NRP2: variants seen among roughly 807,000 people sequenced by gnomAD.
NRP2 encodes neuropilin-2.
Under a neutral mutation model 110.4 loss-of-function variants are expected in NRP2, and 52 were observed. The ratio of observed to expected loss-of-function variants is 0.47; its 90% CI spans 0.38 to 0.59. NRP2 has a LOEUF of 0.59. Among genes scored for constraint, NRP2 ranks in the 20% least tolerant of loss-of-function variants. The pLI is 0.00. For synonymous variants in NRP2, 508 were observed against 468.9 expected, an observed-to-expected ratio of 1.08 and a Z score of -1.08; for missense variants, 1,049 against 1,203.0, an observed-to-expected ratio of 0.87 and a Z score of 1.89.
intron 13 of NRP2, chr2:205,764,282 G>A (rs576728603): frequency 9.6e-6 from 3 of 311,404 alleles, no homozygotes; most frequent in Non-Finnish European, 1.8e-5. Context: ...AAAGAGGCCT[G>A]TGGAGCCCCT....
intron 8 of NRP2, among the ~76,000 whole-genome samples, chr2:205,741,971 C>A (rs1006879800): frequency 2.6e-5 from 4 of 152,230 alleles, no homozygotes; most frequent in African/African-American, 9.6e-5. Context: ...AATTCAAATT[C>A]TCTGCTCTTA....
At chr2:205,751,667 G>GC (rs1286437541) in intron 11 of NRP2, among the ~76,000 whole-genome samples, 3 of 152,100 alleles carry the variant, frequency 2.0e-5, no homozygotes, top group Non-Finnish European at 4.4e-5. Flanking sequence ...GCAGTGCCCT[G>GC]CCCCCCATGA....
rs187188732 is a variant in NRP2 at position 205,722,515 on chromosome 2, C to A, written c.471C>A (p.Asn157Lys). The change falls in exon 4 of 17, where the codon AAC becomes AAA. Residue 157 changes from asparagine (N) to lysine (K), a missense_variant. Coordinates refer to ENST00000357785, the MANE Select transcript of NRP2 (RefSeq NM_003872.3). ...GCTCAAAAAACTTCACAAGCCCCAA[C>A]GGGACCATCGAATCTCCTGGGTTTC... ...EDCSKNFTSP[N>K]GTIESPGFPE... is the part of the protein sequence containing the mutation. 1 of 1,614,196 alleles carries A rather than the reference C, an allele frequency of 6.2e-7. No homozygotes were observed.
At chr2:205,787,718 CTGTGTGTGTGTGTGTG>C (rs60558986) in intron 15 of NRP2, among the ~76,000 whole-genome samples, 2 of 144,076 alleles carry the variant, frequency 1.4e-5, no homozygotes, top group African/African-American at 5.2e-5. Flanking sequence ...AAAAAAGTGT[CTGTGTGTGTGTGTGTG>C]TGTGTGTGTG....
intron 7 of NRP2, among the ~76,000 whole-genome samples, chr2:205,738,455 A>T (rs2057384419): frequency 6.6e-6 from 1 of 152,230 alleles, no homozygotes. Context: ...CAGAGAACTG[A>T]TGAATCTCTT....
At chr2:205,717,874 G>T (rs1055725943) in intron 3 of NRP2, among the ~76,000 whole-genome samples, 2 of 152,208 alleles carry the variant, frequency 1.3e-5, no homozygotes, top group African/African-American at 4.8e-5. Context: ...CAAACCCTTT[G>T]CACGTAACAG....
intron 16 of NRP2, 81 bp from the exon 17 acceptor site, chr2:205,794,673 G>T: frequency 7.0e-7 from 1 of 1,424,462 alleles, no homozygotes. Flanking sequence ...GCTCTGAAGA[G>T]CCTCTGGGCT....
intron 5 of NRP2, among the ~76,000 whole-genome samples, chr2:205,724,810 G>A (rs568450172): frequency 6.6e-6 from 1 of 152,088 alleles, no homozygotes; most frequent in African/African-American, 2.4e-5. Context: ...GGAACTACAG[G>A]CATGCGCCAC....
chr2:205,717,559 T>C (rs1030662012), intron 3 of NRP2, among the ~76,000 whole-genome samples: 59 of 152,314 alleles, frequency 3.9e-4, no homozygotes, highest in African/African-American at 1.4e-3. Context: ...AAGGGGACTG[T>C]GTCATGCAAG....
In NRP2 at chr2:205,687,227, A is replaced by C. The variant is rs2056191396; in HGVS notation, c.73+3864A>C. On this transcript the variant is annotated intron_variant, in intron 1 of 16. Transcript: ENST00000357785. ...GGCTGTGGGAGACAGGTCTGGGTTC[A>C]GACAAATCCTGAAAGAGAAGCAATG... Among the ~76,000 whole-genome samples the C allele has an allele frequency of 2.6e-5, 4 of 152,210 alleles. No homozygotes were observed. The South Asian group carries it at 8.3e-4, about 32-fold the overall frequency.
chr2:205,789,581 CT>C (rs2058274779), intron 15 of NRP2, among the ~76,000 whole-genome samples: 1 of 152,248 alleles, frequency 6.6e-6, no homozygotes, highest in Non-Finnish European at 1.5e-5. Context: ...CATCCTGTGG[CT>C]GCCATTTCCC....
intron 2 of NRP2, among the ~76,000 whole-genome samples, chr2:205,715,515 T>G (rs932232681): frequency 2.0e-5 from 3 of 152,146 alleles, no homozygotes; most frequent in African/African-American, 7.2e-5. Context: ...TAAGAACACA[T>G]GTTGACTAGA....
chr2:205,746,476 G>A (rs1016868147), intron 10 of NRP2, among the ~76,000 whole-genome samples: 2 of 152,236 alleles, frequency 1.3e-5, no homozygotes, highest in African/African-American at 4.8e-5. Context: ...GGCCCACGGA[G>A]GGTGCCCAGC....
At chr2:205,714,560 G>A (rs2056857259) in intron 2 of NRP2, among the ~76,000 whole-genome samples, 1 of 152,068 alleles carries the variant, frequency 6.6e-6, no homozygotes, top group African/African-American at 2.4e-5. Flanking sequence ...CTTTTGTTTT[G>A]GAAATGAGGA....
intron 15 of NRP2, among the ~76,000 whole-genome samples, chr2:205,770,733 A>G (rs2058008627): frequency 6.6e-6 from 1 of 152,292 alleles, no homozygotes; most frequent in South Asian, 2.1e-4. Context: ...GGTTCCAGAT[A>G]GGCAGCTGTA....
At chr2:205,710,005 C>A (rs1246176858) in intron 2 of NRP2, among the ~76,000 whole-genome samples, 1 of 152,168 alleles carries the variant, frequency 6.6e-6, no homozygotes, top group Non-Finnish European at 1.5e-5. Context: ...CTCACTTTTC[C>A]TGTTGGTGAT....
chr2:205,723,633 C>G (rs2057065368), intron 4 of NRP2, 152 bp from the exon 5 acceptor site: 1 of 782,938 alleles, frequency 1.3e-6, no homozygotes, highest in Non-Finnish European at 2.2e-6. Context: ...AAAATATTAG[C>G]CATTGTTCTT....
intron 1 of NRP2, among the ~76,000 whole-genome samples, chr2:205,696,192 A>G (rs980154165): frequency 1.3e-5 from 2 of 152,210 alleles, no homozygotes; most frequent in African/African-American, 4.8e-5. Flanking sequence ...AAAGCCTGTC[A>G]GGCCGGTAGT....
chr2:205,784,632 G>C (rs1341554187), intron 15 of NRP2, among the ~76,000 whole-genome samples: 1 of 152,178 alleles, frequency 6.6e-6, no homozygotes, highest in East Asian at 1.9e-4. Context: ...TTCTGGCTCT[G>C]CACCTCCTGA....
Sources: allele counts gnomAD v4.1 joint callset (sites outside exome capture counted in the v4.1 genomes callset), GRCh38; gene constraint gnomAD v4.1.1; transcripts MANE v1.5; gene names NCBI Gene and HGNC (gene_info 2026-07-23, HGNC 2026-07-21).